INPP5A: variants seen among roughly 807,000 people sequenced by gnomAD.
The protein encoded by INPP5A is inositol polyphosphate-5-phosphatase A.
INPP5A carries 14 observed loss-of-function variants against 65.2 expected under a neutral mutation model. The observed-to-expected ratio is 0.21, with a 90% CI of 0.14 to 0.34. The LOEUF (loss-of-function observed/expected upper bound fraction) is 0.34. INPP5A is among the 10% of genes least tolerant of loss of function. The probability of loss-of-function intolerance (pLI) is 1.00; values close to 1 mark genes in which losing one functional copy is unlikely to be tolerated. For synonymous variants in INPP5A, 207 were observed against 208.3 expected (o/e 0.99, Z 0.05); for missense variants, 431 against 545.6 (o/e 0.79, Z 2.09).
intron 2 of INPP5A, among the ~76,000 whole-genome samples, chr10:132,621,686 C>T (rs1310956292): frequency 1.3e-5 from 2 of 151,870 alleles, no homozygotes; most frequent in East Asian, 1.9e-4. Flanking sequence ...ATCAGTCATG[C>T]GTTTGTCCCA....
intron 2 of INPP5A, 72 bp downstream of exon 2, chr10:132,608,028 C>CCTCCATAGACACACCAGA: frequency 1.4e-6 from 2 of 1,400,564 alleles, no homozygotes; most frequent in Non-Finnish European, 2.0e-6. Flanking sequence ...CTTTGGCATT[C>CCTCCATAGACACACCAGA]CTCCATGGAG....
chr10:132,622,100 G>T (rs1159254152), intron 2 of INPP5A, among the ~76,000 whole-genome samples: 3 of 152,180 alleles, frequency 2.0e-5, no homozygotes, highest in Admixed American at 6.5e-5. Context: ...GTTTACATTA[G>T]CTATCAATAA....
chr10:132,689,197 A>G (rs950691591), intron 4 of INPP5A, among the ~76,000 whole-genome samples: 7 of 152,170 alleles, frequency 4.6e-5, no homozygotes, highest in African/African-American at 1.7e-4. Context: ...TCAGCTGAGG[A>G]CAGGCCCTGT....
intron 12 of INPP5A, among the ~76,000 whole-genome samples, chr10:132,776,939 G>T (rs372110168): frequency 6.6e-6 from 1 of 152,168 alleles, no homozygotes; most frequent in East Asian, 1.9e-4. Context: ...CAGCAAGGCC[G>T]CGGAGGAGCC....
At chr10:132,576,338 T>C (rs1026942600) in intron 1 of INPP5A, among the ~76,000 whole-genome samples, 6 of 152,210 alleles carry the variant, frequency 3.9e-5, no homozygotes, top group African/African-American at 9.6e-5. Flanking sequence ...ATGGAGAGGT[T>C]CAGAATGCGG....
At chr10:132,770,024 C>T (rs1235933881) in intron 12 of INPP5A, among the ~76,000 whole-genome samples, 2 of 152,190 alleles carry the variant, frequency 1.3e-5, no homozygotes, top group African/African-American at 4.8e-5. Flanking sequence ...GGTGTGACAG[C>T]CCGACATTTC....
intron 2 of INPP5A, among the ~76,000 whole-genome samples, chr10:132,642,360 G>A (rs1362380476): frequency 1.3e-5 from 2 of 152,290 alleles, no homozygotes; most frequent in South Asian, 2.1e-4. Context: ...GCGGTTCGCC[G>A]GCCATCCTCT....
At chr10:132,718,083 T>G (rs1447131562) in intron 8 of INPP5A, among the ~76,000 whole-genome samples, 2 of 118,678 alleles carry the variant, frequency 1.7e-5, no homozygotes, top group African/African-American at 6.5e-5. Context: ...TCTGTCTGGG[T>G]GCCTTAGACG....
At position 132,741,212 on chromosome 10, in the gene INPP5A, G is replaced by A. The variant is rs1382087724; in HGVS notation, c.733-8305G>A. The stretch of plus-strand genomic sequence containing the variant: ...GATCACATCACTGCACTCCATCCTG[G>A]CCAACAGAGGAGGACCCTGTCTCAA... On this transcript the variant is annotated intron_variant, in intron 9 of 15. Transcript: ENST00000368594. This position sits in a 1 kb window ranked among gnomAD's most constrained non-coding sequence, Gnocchi z 4.4. Among the ~76,000 whole-genome samples the A allele has an allele frequency of 6.6e-6, 1 of 152,162 alleles. No individual in the cohort carries two copies. The highest frequency in any genetic ancestry group is 1.9e-4 in the East Asian group (1 of 5,200).
intron 2 of INPP5A, among the ~76,000 whole-genome samples, chr10:132,609,079 CGTGTGTGCGCAT>C (rs763120762): frequency 5.3e-5 from 8 of 152,188 alleles, no homozygotes; most frequent in Non-Finnish European, 8.8e-5. Flanking sequence ...TGTGTGTGCA[CGTGTGTGCGCAT>C]GTGTGTGCTT....
At chr10:132,612,772 A>G (rs2071977462) in intron 2 of INPP5A, among the ~76,000 whole-genome samples, 1 of 152,226 alleles carries the variant, frequency 6.6e-6, no homozygotes, top group African/African-American at 2.4e-5. Context: ...TTTTGGCAGC[A>G]ACAGCTGTGT....
intron 9 of INPP5A, among the ~76,000 whole-genome samples, chr10:132,739,068 G>C (rs943136372): frequency 6.6e-6 from 1 of 152,146 alleles, no homozygotes; most frequent in Non-Finnish European, 1.5e-5. Flanking sequence ...CTGAGGGCCC[G>C]CCCCGCAGCC....
chr10:132,746,619 G>A (rs954462866), intron 9 of INPP5A, among the ~76,000 whole-genome samples: 3 of 152,236 alleles, frequency 2.0e-5, no homozygotes, highest in Non-Finnish European at 4.4e-5. Context: ...ATCCACACGC[G>A]TGTGGATGAC....
rs374186663 is a variant in INPP5A, at chr10:132,538,221, T to C, written c.75+50T>C. On this transcript the variant is annotated intron_variant, in intron 1 of 15. Transcript: ENST00000368594. This position sits in a 1 kb window ranked among gnomAD's most constrained non-coding sequence, Gnocchi z 4.1. ...GCCCCAAGCCCGGAACCCCCGACCC[T>C]GACCCCGGGGTCCCGAACTGCAAGC... 14,112 of 1,130,828 alleles carry C rather than the reference T, an allele frequency of 0.012. 111 individuals are homozygous for C. The highest frequency in any genetic ancestry group is 0.015 in the Non-Finnish European group (12,985 of 891,934). The allele number at this position is 1,130,828 out of a possible 1,614,324, so 70.0% of individuals were successfully genotyped here.
intron 11 of INPP5A, among the ~76,000 whole-genome samples, chr10:132,761,607 G>A (rs574253996): frequency 1.2e-4 from 18 of 152,292 alleles, no homozygotes; most frequent in South Asian, 6.2e-4. Flanking sequence ...GGTGCCATGC[G>A]GAGGCTTGCT....
chr10:132,626,822 C>T (rs1000825796), intron 2 of INPP5A, among the ~76,000 whole-genome samples: 4 of 152,302 alleles, frequency 2.6e-5, no homozygotes, highest in Middle Eastern at 3.4e-3. Context: ...TTGTTGGCTC[C>T]GTGTGAGGCC....
chr10:132,608,847 C>G (rs927487613), intron 2 of INPP5A, among the ~76,000 whole-genome samples: 1 of 152,168 alleles, frequency 6.6e-6, no homozygotes, highest in Admixed American at 6.5e-5. Context: ...AGTGGAGGCC[C>G]AGGGGCCCTC....
rs575563417 is a variant in INPP5A, at chr10:132,669,586, G to A, written c.306+19081G>A. 4.6e-5 allele frequency among the ~76,000 whole-genome samples: 7 copies of A among 152,318 alleles called. No individual in the cohort carries two copies. The South Asian group carries it at 1.4e-3, about 32-fold the overall frequency. On this transcript the variant is annotated intron_variant, in intron 4 of 15. Transcript: ENST00000368594. ...TTCAGCCTGGCTTAGCTGCGTCCTT[G>A]AAAGTGGTTCTGCTTCTCTTACGTG...
rs187025143 is a variant in INPP5A, at chr10:132,717,623, G to A, written c.647+7167G>A. Among the ~76,000 whole-genome samples the A allele has an allele frequency of 2.0e-3, 296 of 147,978 alleles. 11 individuals are homozygous for A. The highest frequency in any genetic ancestry group is 7.0e-3 in the African/African-American group (274 of 38,988). On this transcript the variant is annotated intron_variant, in intron 8 of 15. Coordinates refer to ENST00000368594, the MANE Select transcript of INPP5A (RefSeq NM_005539.5). ...TGGTACCTGGGTTCTTTCTGGGGGC[G>A]CCTTAGACAGCTGTCTTCAGGGTTC...
Sources: gnomAD v4.1 joint callset for allele counts (sites outside exome capture counted in the v4.1 genomes callset) on GRCh38, gnomAD v4.1.1 for gene constraint, Gnocchi (gnomAD v3.1) non-coding constraint, MANE v1.5 for transcripts, NCBI Gene and HGNC (gene_info 2026-07-23, HGNC 2026-07-21) for gene names.